NRXN1: variants seen among roughly 807,000 people sequenced by gnomAD.
The protein encoded by NRXN1 is neurexin-1.
In NRXN1, 39 loss-of-function variants were observed where a neutral mutation model predicts 150.9. That is an observed-to-expected ratio of 0.26 (90% CI 0.20 to 0.34). NRXN1 has a LOEUF of 0.34. Among genes scored for constraint, NRXN1 ranks in the 10% least tolerant of loss-of-function variants. The pLI is 1.00. For synonymous variants in NRXN1, 924 were observed against 757.0 expected (o/e 1.22, Z -3.62); for missense variants, 1,815 against 1,949.9 (o/e 0.93, Z 1.30).
intron 17 of NRXN1, among the ~76,000 whole-genome samples, chr2:50,343,834 T>C (rs2077729699): frequency 6.6e-6 from 1 of 152,238 alleles, no homozygotes; most frequent in African/African-American, 2.4e-5. Context: ...TTCAAGCATA[T>C]ACATGCATTC....
chr2:49,939,957 T>C (rs1671687923), intron 22 of NRXN1, among the ~76,000 whole-genome samples: 1 of 152,152 alleles, frequency 6.6e-6, no homozygotes, highest in Non-Finnish European at 1.5e-5. Context: ...CACAGGTAAT[T>C]CCAATTTATC....
At chr2:50,132,273 G>A (rs946075785) in intron 18 of NRXN1, among the ~76,000 whole-genome samples, 1 of 148,188 alleles carries the variant, frequency 6.7e-6, no homozygotes, top group African/African-American at 2.5e-5. Flanking sequence ...TGTGTCATAC[G>A]TTTCTTTATG....
At chr2:50,913,966 T>C (rs1310545666) in intron 5 of NRXN1, among the ~76,000 whole-genome samples, 2 of 151,768 alleles carry the variant, frequency 1.3e-5, no homozygotes, top group Non-Finnish European at 2.9e-5. Context: ...ATCTCCTTGG[T>C]GATTACAGTA....
At chr2:49,983,280 A>G (rs1680290327) in intron 21 of NRXN1, among the ~76,000 whole-genome samples, 1 of 152,196 alleles carries the variant, frequency 6.6e-6, no homozygotes, top group Non-Finnish European at 1.5e-5. Context: ...ATCAGCTTCT[A>G]GCACAGGGGC....
chr2:50,940,639 T>A (rs557710132), intron 2 of NRXN1, among the ~76,000 whole-genome samples: 8 of 152,268 alleles, frequency 5.3e-5, no homozygotes, highest in African/African-American at 1.9e-4. Flanking sequence ...AAGATGAAAG[T>A]TGCATACTCC....
intron 21 of NRXN1, among the ~76,000 whole-genome samples, chr2:50,032,875 C>A (rs1051265701): frequency 1.3e-5 from 2 of 151,736 alleles, no homozygotes; most frequent in Non-Finnish European, 2.9e-5. Context: ...CAAACTGTAG[C>A]ATAATAAATT....
Position 50,091,631 on chromosome 2 carries a change from C to G in NRXN1, c.3547-137G>C, listed in dbSNP as rs1260255570. 3 of 846,454 alleles carry G rather than the reference C, an allele frequency of 3.5e-6. No homozygotes were observed. In the African/African-American group the frequency reaches 5.0e-5, roughly 14 times the overall value. 52.4% of individuals were successfully genotyped at this position (846,454 alleles called of 1,614,324 possible). A position where few individuals can be genotyped will look rare whatever the true frequency, so the allele number is the denominator to read the frequency against. On this transcript the variant is annotated intron_variant, in intron 18 of 22. Transcript: ENST00000401669. ...CTCCAATTTTACTTCTGAAAAACTA[C>G]ATGTAGTAGAAGCAAGATTCTTGAC...
intron 17 of NRXN1, among the ~76,000 whole-genome samples, chr2:50,328,679 T>C (rs978905259): frequency 1.3e-5 from 2 of 152,108 alleles, no homozygotes; most frequent in African/African-American, 4.8e-5. Flanking sequence ...GAGGTTGCAG[T>C]GAGCCGAGAT....
At chr2:50,967,033 A>C (rs988591869) in intron 2 of NRXN1, among the ~76,000 whole-genome samples, 1 of 151,940 alleles carries the variant, frequency 6.6e-6, no homozygotes, top group Non-Finnish European at 1.5e-5. Flanking sequence ...ATAAGTTGTT[A>C]AAATGTCATT....
intron 5 of NRXN1, among the ~76,000 whole-genome samples, chr2:50,688,428 C>T (rs1300868877): frequency 6.6e-6 from 1 of 152,150 alleles, no homozygotes; most frequent in Non-Finnish European, 1.5e-5. Flanking sequence ...TGCATACTCA[C>T]TCTTTTTATG....
chr2:50,826,813 T>A (rs1559318007), intron 5 of NRXN1, among the ~76,000 whole-genome samples: 1 of 152,104 alleles, frequency 6.6e-6, no homozygotes, highest in Non-Finnish European at 1.5e-5. Flanking sequence ...AGCAGAGGGT[T>A]TTTTACATAA....
chr2:50,800,380 G>A (rs905670641), intron 5 of NRXN1, among the ~76,000 whole-genome samples: 8 of 151,934 alleles, frequency 5.3e-5, no homozygotes, highest in Non-Finnish European at 1.2e-4. Context: ...TCTATGGTAC[G>A]TTTCATAATT....
At chr2:50,500,878 T>C (rs532567381) in intron 13 of NRXN1, among the ~76,000 whole-genome samples, 1 of 152,304 alleles carries the variant, frequency 6.6e-6, no homozygotes, top group South Asian at 2.1e-4. Flanking sequence ...TCACTTAAAA[T>C]TGCTGATTGT....
chr2:50,995,041 T>C (rs1160322541), intron 2 of NRXN1, among the ~76,000 whole-genome samples: 2 of 152,038 alleles, frequency 1.3e-5, no homozygotes, highest in Non-Finnish European at 2.9e-5. Context: ...AAGATCATTT[T>C]AGAAAAGAAA....
chr2:50,094,389 T>G (rs930583633), intron 18 of NRXN1, among the ~76,000 whole-genome samples: 23 of 152,212 alleles, frequency 1.5e-4, no homozygotes, highest in Non-Finnish European at 1.5e-5. Flanking sequence ...AGATGTGATG[T>G]GATTTCCACA....
At chr2:50,362,368 C>T (rs1490621708) in intron 17 of NRXN1, among the ~76,000 whole-genome samples, 5 of 152,184 alleles carry the variant, frequency 3.3e-5, no homozygotes, top group African/African-American at 1.2e-4. Flanking sequence ...AGACCAAAAA[C>T]TCCTTCAACT....
chr2:50,579,262 A>T (rs1228444390), intron 8 of NRXN1, among the ~76,000 whole-genome samples: 3 of 152,156 alleles, frequency 2.0e-5, no homozygotes, highest in Admixed American at 2.0e-4. Context: ...CTAGGATGGG[A>T]TTGATTACAT....
intron 2 of NRXN1, among the ~76,000 whole-genome samples, chr2:50,957,093 A>T (rs1280610848): frequency 2.0e-5 from 3 of 152,296 alleles, no homozygotes; most frequent in Middle Eastern, 3.4e-3. Flanking sequence ...CACGGTAGTG[A>T]CTACCAAGGC....
intron 2 of NRXN1, among the ~76,000 whole-genome samples, chr2:51,022,554 A>C (rs1346610712): frequency 6.6e-6 from 1 of 152,150 alleles, no homozygotes; most frequent in African/African-American, 2.4e-5. Context: ...TTTCACTGTC[A>C]TACTTTAAGA....
Sources: gnomAD v4.1 joint callset for allele counts (sites outside exome capture counted in the v4.1 genomes callset) on GRCh38, gnomAD v4.1.1 for gene constraint, MANE v1.5 for transcripts, NCBI Gene and HGNC (gene_info 2026-07-23, HGNC 2026-07-21) for gene names.